Variants in CDKL5 observed in about 807,000 individuals in gnomAD.
CDKL5 encodes cyclin-dependent kinase-like 5.
A neutral mutation model predicts 61.7 loss-of-function variants in CDKL5; 8 were observed. The ratio of observed to expected loss-of-function variants is 0.13; its 90% CI spans 0.08 to 0.23. The LOEUF is 0.23. Among genes scored for constraint, CDKL5 ranks in the 10% least tolerant of loss-of-function variants. The pLI, the probability that CDKL5 is intolerant of heterozygous loss-of-function variation, is 1.00. For missense variants in CDKL5, 440 were observed against 734.5 expected, an observed-to-expected ratio of 0.60 and a Z score of 4.63; for synonymous variants, 275 against 272.3, an observed-to-expected ratio of 1.01 and a Z score of -0.10.
chrX:18,636,685 G>C lies in CDKL5; in HGVS notation c.*7928G>C, dbSNP rs1045047537. The C allele has an allele frequency of 1.8e-5, 2 of 111,425 alleles. No individual in the cohort carries two copies. Among genetic ancestry groups the C allele is most frequent in the Non-Finnish European group, 3.8e-5 (2 of 53,144 alleles). The allele number at this position is 111,425 out of a possible 1,213,427, so 9.2% of individuals were successfully genotyped here. On this transcript the variant is annotated 3_prime_UTR_variant, in exon 18 of 18. Coordinates refer to ENST00000623535, the MANE Select transcript of CDKL5 (RefSeq NM_001323289.2). Reference sequence around the variant, plus strand: ...CAACACAGGTTATATTAAAAACTTTGCCTGAAGTTTACTCTAGGTGCAGAA... The same window carrying C: ...CAACACAGGTTATATTAAAAACTTTCCCTGAAGTTTACTCTAGGTGCAGAA...
In CDKL5 at chrX:18,604,520, C is replaced by A. The variant is rs201786426; in HGVS notation, c.1596C>A (p.Pro532=). Residue 532 remains proline (P), a synonymous_variant, in exon 12 of 18, where the codon CCC becomes CCA. Transcript: ENST00000623535. ...LDLNSPTSPT[P]TRHSDTRTLL... is the part of the protein sequence containing the mutation. ...TGAATTCTCCCACCAGCCCAACCCC[C>A]ACCAGACACAGTGACACGAGAACTT... 8.3e-7 allele frequency: 1 copy of A among 1,211,864 alleles called. No homozygotes were observed. Among genetic ancestry groups the A allele is most frequent in the East Asian group, 3.0e-5 (1 of 33,838 alleles).
At chrX:18,594,282 C>T (rs915320316) in intron 9 of CDKL5, among the ~76,000 whole-genome samples, 42 of 111,812 alleles carry the variant, frequency 3.8e-4, no homozygotes, top group African/African-American at 1.2e-3. Flanking sequence ...TCATATTACC[C>T]AATACTTTAA....
intron 3 of CDKL5, among the ~76,000 whole-genome samples, chrX:18,521,441 A>G (rs1468136785): frequency 2.7e-5 from 3 of 111,091 alleles, no homozygotes; most frequent in Non-Finnish European, 3.8e-5. Context: ...ATCCAATGTC[A>G]TGAAGATTTA....
intron 3 of CDKL5, among the ~76,000 whole-genome samples, chrX:18,551,432 G>A (rs1924379326): frequency 9.2e-6 from 1 of 108,573 alleles, no homozygotes; most frequent in African/African-American, 3.4e-5. Flanking sequence ...TGGATATGTG[G>A]GTTTGTTTGC....
intron 15 of CDKL5, 30 bp downstream of exon 15, chrX:18,613,305 CT>C: frequency 1.7e-6 from 2 of 1,166,860 alleles, no homozygotes; most frequent in Middle Eastern, 2.4e-4. Flanking sequence ...TTTACTCTTC[CT>C]TTTTTTAATT....
intron 20 of CDKL5, among the ~76,000 whole-genome samples, chrX:18,648,010 C>G (rs376968084): frequency 2.7e-5 from 3 of 111,418 alleles, no homozygotes; most frequent in Non-Finnish European, 5.7e-5. Context: ...ATTGTCTCCC[C>G]CTTCCTCTCG....
At chrX:18,581,758 T>C in intron 6 of CDKL5, 133 bp from the exon 7 acceptor site, 1 of 427,429 alleles carries the variant, frequency 2.3e-6, no homozygotes, top group Non-Finnish European at 4.1e-6. Context: ...TGTTACTTTA[T>C]TTTTGCTGCC....
intron 1 of CDKL5, among the ~76,000 whole-genome samples, chrX:18,462,566 A>G (rs1602205400): frequency 8.9e-6 from 1 of 111,755 alleles, no homozygotes; most frequent in Non-Finnish European, 1.9e-5. Context: ...AAGGGAAGTT[A>G]TGAGAACAAG....
intron 1 of CDKL5, among the ~76,000 whole-genome samples, chrX:18,463,605 A>G (rs1932337884): frequency 8.9e-6 from 1 of 112,116 alleles, no homozygotes; most frequent in African/African-American, 3.2e-5. Context: ...TGTTTATACA[A>G]GCAGCTAATT....
At chrX:18,652,434 C>T (rs761261756) in intron 21 of CDKL5, among the ~76,000 whole-genome samples, 1 of 111,924 alleles carries the variant, frequency 8.9e-6, no homozygotes, top group East Asian at 2.8e-4. Context: ...TTTGGGAGGC[C>T]GAGGCGGGAG....
rs1235698910 is a variant in CDKL5 at position 18,630,812 on chromosome X, G to A, written c.*2055G>A. 1.3e-6 allele frequency: 1 copy of A among 748,376 alleles called. No homozygotes were observed. Among genetic ancestry groups the A allele is most frequent in the Non-Finnish European group, 1.6e-6 (1 of 638,205 alleles). The allele number at this position is 748,376 out of a possible 1,213,427, so 61.7% of individuals were successfully genotyped here. ...CTGTCTTACTTCTTTCACCAGTTCAGTACTGTTTGGGTAGCTCTGAATTCT... is the reference window on the plus strand; with the variant it reads ...CTGTCTTACTTCTTTCACCAGTTCAATACTGTTTGGGTAGCTCTGAATTCT... On this transcript the variant is annotated 3_prime_UTR_variant, in exon 18 of 18. Transcript: ENST00000623535.
At position 18,609,566 on chromosome X, in the gene CDKL5, C is replaced by T; in HGVS notation, c.2148C>T (p.Tyr716=). ...TGCCAAGGAGAGTTGGTAGCTTTTA[C>T]AGAGGTAAGCCCACCCCCGGCATTC... The part of the protein sequence containing the change: ...DPVPRRVGSF[Y]RVPSPRPDNS... Residue 716 remains tyrosine, a synonymous_variant, in exon 14 of 18, where the codon TAC becomes TAT. Coordinates refer to ENST00000623535, the MANE Select transcript of CDKL5 (RefSeq NM_001323289.2). 2 of 1,210,906 alleles carry T rather than the reference C, an allele frequency of 1.7e-6. No homozygotes were observed. Among genetic ancestry groups the T allele is most frequent in the East Asian group, 5.9e-5 (2 of 33,844 alleles).
intron 1 of CDKL5, among the ~76,000 whole-genome samples, chrX:18,441,289 A>C (rs1321755580): frequency 2.7e-5 from 3 of 110,452 alleles, no homozygotes; most frequent in Non-Finnish European, 5.7e-5. Context: ...GGTGGCACAC[A>C]CCTGTAGTCC....
chrX:18,644,658 C>A (rs759260793), downstream of CDKL5: 6 of 1,191,490 alleles, frequency 5.0e-6, no homozygotes, highest in Non-Finnish European at 5.7e-6. Context: ...CCGAGAGACT[C>A]CCCCTGTGCA....
chrX:18,628,319 CT>C (rs1927131044), intron 17 of CDKL5, 51 bp from the exon 18 acceptor site: 1 of 1,170,877 alleles, frequency 8.5e-7, no homozygotes, highest in Admixed American at 2.2e-5. Flanking sequence ...CCTCCCCAGC[CT>C]TATGGTCGCT....
intron 3 of CDKL5, among the ~76,000 whole-genome samples, chrX:18,534,103 T>C (rs1485645379): frequency 8.9e-6 from 1 of 112,071 alleles, no homozygotes. Context: ...GCCTACTACC[T>C]GGTAACCTCA....
chrX:18,616,354 G>A (rs1416481084), intron 15 of CDKL5, among the ~76,000 whole-genome samples: 3 of 111,120 alleles, frequency 2.7e-5, no homozygotes, highest in African/African-American at 9.8e-5. Context: ...GGCCAGGCAC[G>A]GTGGCTCACT....
chrX:18,612,271 A>G (rs1348757553), intron 14 of CDKL5, among the ~76,000 whole-genome samples: 1 of 111,954 alleles, frequency 8.9e-6, no homozygotes, highest in African/African-American at 3.2e-5. Flanking sequence ...ACTTCAAACT[A>G]AGAATAGATT....
intron 13 of CDKL5, 88 bp from the exon 14 acceptor site, chrX:18,609,377 G>C (rs1926467655): frequency 8.4e-7 from 1 of 1,194,814 alleles, no homozygotes; most frequent in South Asian, 1.8e-5. Flanking sequence ...CTGGGCAATA[G>C]AGTGAGACCC....
Sources: gnomAD v4.1 joint callset for allele counts (sites outside exome capture counted in the v4.1 genomes callset) on GRCh38, gnomAD v4.1.1 for gene constraint, MANE v1.5 for transcripts, NCBI Gene and HGNC (gene_info 2026-07-23, HGNC 2026-07-21) for gene names.